The following HS6ST3 variants were observed in gnomAD, a reference collection of about 807,000 sequenced individuals.
The protein encoded by HS6ST3 is heparan-sulfate 6-O-sulfotransferase 3.
A neutral mutation model predicts 36.7 loss-of-function variants in HS6ST3; 12 were observed. The ratio of observed to expected loss-of-function variants is 0.33; its 90% CI spans 0.21 to 0.53. The LOEUF is 0.53. Ranked by LOEUF, HS6ST3 falls within the 20% of genes least tolerant of loss-of-function variation. The pLI, the probability that HS6ST3 is intolerant of heterozygous loss-of-function variation, is 0.95. For missense variants in HS6ST3, 584 were observed against 640.9 expected (o/e 0.91, Z 0.96); for synonymous variants, 240 against 257.5 (o/e 0.93, Z 0.65).
At chr13:96,565,894 A>G (rs1272087756) in intron 1 of HS6ST3, among the ~76,000 whole-genome samples, 1 of 152,194 alleles carries the variant, frequency 6.6e-6, no homozygotes, top group African/African-American at 2.4e-5. Flanking sequence ...AGCATCCTCC[A>G]TGAAATTATA....
At chr13:96,819,763 C>G (rs1375582625) in intron 1 of HS6ST3, among the ~76,000 whole-genome samples, 3 of 152,070 alleles carry the variant, frequency 2.0e-5, no homozygotes, top group East Asian at 3.9e-4. Flanking sequence ...TAAGAAAATC[C>G]TTGTATATGG....
chr13:96,718,798 C>A (rs1031716233), intron 1 of HS6ST3, among the ~76,000 whole-genome samples: 1 of 152,148 alleles, frequency 6.6e-6, no homozygotes, highest in Admixed American at 6.5e-5. Flanking sequence ...CTGGTAAATG[C>A]CTGCATTAGC....
At chr13:96,723,320 C>A (rs1230129588) in intron 1 of HS6ST3, among the ~76,000 whole-genome samples, 3 of 152,028 alleles carry the variant, frequency 2.0e-5, no homozygotes. Context: ...CCATAAGGTT[C>A]TCCAGCAGAA....
At chr13:96,392,659 A>T (rs932869427) in intron 1 of HS6ST3, among the ~76,000 whole-genome samples, 1 of 152,226 alleles carries the variant, frequency 6.6e-6, no homozygotes, top group Non-Finnish European at 1.5e-5. Flanking sequence ...AGTCTGTGCA[A>T]AGCCCCTGTG....
intron 1 of HS6ST3, among the ~76,000 whole-genome samples, chr13:96,652,862 A>C (rs1381020986): frequency 6.6e-6 from 1 of 152,080 alleles, no homozygotes; most frequent in African/African-American, 2.4e-5. Flanking sequence ...GTAGCTCTTT[A>C]GATATACTAT....
chr13:96,320,974 C>A (rs61966906), intron 1 of HS6ST3, among the ~76,000 whole-genome samples: 10,694 of 152,206 alleles, frequency 0.07, 466 homozygotes, highest in Middle Eastern at 0.11. Context: ...GGATTTCTGA[C>A]CCCTTCCTGG....
At chr13:96,772,518 A>C (rs1566449975) in intron 1 of HS6ST3, among the ~76,000 whole-genome samples, 1 of 152,214 alleles carries the variant, frequency 6.6e-6, no homozygotes, top group South Asian at 2.1e-4. Context: ...ATAGCAATAA[A>C]TCAAAGATCA....
intron 1 of HS6ST3, among the ~76,000 whole-genome samples, chr13:96,259,012 A>G (rs2054651396): frequency 1.3e-5 from 2 of 152,280 alleles, no homozygotes; most frequent in Admixed American, 6.5e-5. Flanking sequence ...TCCACCAAGC[A>G]GATATAGTGA....
intron 1 of HS6ST3, among the ~76,000 whole-genome samples, chr13:96,530,969 G>A (rs1401965236): frequency 6.6e-6 from 1 of 152,090 alleles, no homozygotes; most frequent in Non-Finnish European, 1.5e-5. Context: ...TGTTCAGTTG[G>A]TCCATTGATC....
chr13:96,400,669 G>T (rs1010452559), intron 1 of HS6ST3, among the ~76,000 whole-genome samples: 1 of 152,072 alleles, frequency 6.6e-6, no homozygotes, highest in East Asian at 1.9e-4. Flanking sequence ...AAGAGAGAAG[G>T]TATTGGGACT....
At chr13:96,554,739 A>G (rs1237885427) in intron 1 of HS6ST3, among the ~76,000 whole-genome samples, 1 of 152,076 alleles carries the variant, frequency 6.6e-6, no homozygotes, top group African/African-American at 2.4e-5. Context: ...GAGCTTGGAA[A>G]AGACAATTTG....
intron 1 of HS6ST3, among the ~76,000 whole-genome samples, chr13:96,318,845 C>A (rs980805892): frequency 6.6e-6 from 1 of 152,098 alleles, no homozygotes; most frequent in Non-Finnish European, 1.5e-5. Context: ...TGTTGGTCAC[C>A]TATTAGGTCC....
At chr13:96,450,057 T>C (rs959924552) in intron 1 of HS6ST3, among the ~76,000 whole-genome samples, 3 of 152,202 alleles carry the variant, frequency 2.0e-5, no homozygotes, top group Non-Finnish European at 4.4e-5. Context: ...CCTTTCCCCA[T>C]ATTTATGCCT....
chr13:96,668,792 G>C (rs2056673749), intron 1 of HS6ST3, among the ~76,000 whole-genome samples: 2 of 130,774 alleles, frequency 1.5e-5, no homozygotes, highest in East Asian at 2.5e-4. Flanking sequence ...AAAAAAAAAG[G>C]CAACAGTTTT....
intron 1 of HS6ST3, among the ~76,000 whole-genome samples, chr13:96,149,891 A>C (rs1001516540): frequency 5.9e-5 from 9 of 152,250 alleles, no homozygotes; most frequent in African/African-American, 2.2e-4. Context: ...TCTATAGAGA[A>C]TAAAATGTTA....
chr13:96,432,846 A>G (rs2055622136), intron 1 of HS6ST3, among the ~76,000 whole-genome samples: 1 of 152,208 alleles, frequency 6.6e-6, no homozygotes, highest in South Asian at 2.1e-4. Context: ...GACATTCTAA[A>G]TGAGCTGCAT....
intron 1 of HS6ST3, among the ~76,000 whole-genome samples, chr13:96,801,715 C>A (rs1878078612): frequency 6.6e-6 from 1 of 152,034 alleles, no homozygotes; most frequent in Admixed American, 6.6e-5. Context: ...CCACGCCTGT[C>A]CCTCTTGCTG....
At chr13:96,567,184 A>G (rs567146639) in intron 1 of HS6ST3, among the ~76,000 whole-genome samples, 2 of 151,376 alleles carry the variant, frequency 1.3e-5, no homozygotes, top group Non-Finnish European at 2.9e-5. Flanking sequence ...TTCTTCACCT[A>G]CAGTTCTTCC....
chr13:96,322,182 T>C (rs1029718509), intron 1 of HS6ST3, among the ~76,000 whole-genome samples: 10 of 152,250 alleles, frequency 6.6e-5, no homozygotes, highest in Middle Eastern at 3.4e-3. Flanking sequence ...TATTCCAGGA[T>C]TTTCCTGCTT....
Sources: gnomAD v4.1 joint callset for allele counts (sites outside exome capture counted in the v4.1 genomes callset) on GRCh38, gnomAD v4.1.1 for gene constraint, MANE v1.5 for transcripts, NCBI Gene and HGNC (gene_info 2026-07-23, HGNC 2026-07-21) for gene names.